The following KIF26B variants were observed in gnomAD, a reference collection of about 807,000 sequenced individuals.
KIF26B encodes the protein kinesin family member 26B.
KIF26B carries 63 observed loss-of-function variants against 151.2 expected under a neutral mutation model. The ratio of observed to expected loss-of-function variants is 0.42; its 90% CI spans 0.34 to 0.51. The LOEUF is 0.51. Ranked by LOEUF, KIF26B falls within the 20% of genes least tolerant of loss-of-function variation. The pLI, the probability that KIF26B is intolerant of heterozygous loss-of-function variation, is 0.07. For synonymous variants in KIF26B, 1,357 were observed against 1,262.1 expected, an observed-to-expected ratio of 1.08 and a Z score of -1.59; for missense variants, 2,813 against 2,913.6, an observed-to-expected ratio of 0.97 and a Z score of 0.79.
chr1:245,540,887 C>T lies in KIF26B; in HGVS notation c.1287C>T (p.Pro429=). The T allele has an allele frequency of 1.2e-6, 2 of 1,614,024 alleles. No individual in the cohort carries two copies. Among genetic ancestry groups the T allele is most frequent in the African/African-American group, 1.3e-5 (1 of 75,046 alleles). ...SFSGILQTSP[P]PAPPCLLRAV... Reference sequence around the variant, plus strand: ...GTGGGATTCTGCAGACCTCCCCTCCCCCAGCCCCACCCTGCCTGCTGAGGG... The same window carrying T: ...GTGGGATTCTGCAGACCTCCCCTCCTCCAGCCCCACCCTGCCTGCTGAGGG... The change falls in exon 5 of 15, where the codon CCC becomes CCT. Residue 429 remains proline (P), a synonymous_variant. Transcript: ENST00000407071. The surrounding 1 kb of genome is among the most constrained non-coding windows in gnomAD (Gnocchi z 4.6).
intron 2 of KIF26B, among the ~76,000 whole-genome samples, chr1:245,264,705 T>TA (rs1436897894): frequency 4.6e-5 from 7 of 151,378 alleles, no homozygotes; most frequent in African/African-American, 1.7e-4. Flanking sequence ...CCGTCCTGGC[T>TA]AACAAGGTGA....
At chr1:245,517,828 C>G (rs1198364761) in intron 4 of KIF26B, among the ~76,000 whole-genome samples, 1 of 149,722 alleles carries the variant, frequency 6.7e-6, no homozygotes, top group South Asian at 2.1e-4. Context: ...GCATGATTCT[C>G]TGTGTATGCA....
At chr1:245,304,384 G>A (rs1671497473) in intron 2 of KIF26B, among the ~76,000 whole-genome samples, 1 of 152,210 alleles carries the variant, frequency 6.6e-6, no homozygotes, top group Non-Finnish European at 1.5e-5. Context: ...ATTGCCTTGC[G>A]ATTGGGGAAT....
chr1:245,579,524 C>T (rs750861502), intron 5 of KIF26B, among the ~76,000 whole-genome samples: 31 of 152,026 alleles, frequency 2.0e-4, no homozygotes, highest in African/African-American at 1.2e-4. Context: ...AAAAAGGAGG[C>T]TTGGCTGGGT....
chr1:245,652,152 G>C (rs1360263907), intron 10 of KIF26B, among the ~76,000 whole-genome samples: 3 of 147,408 alleles, frequency 2.0e-5, no homozygotes, highest in East Asian at 4.0e-4. Context: ...GTGTGAGAGA[G>C]ACATATGCAT....
chr1:245,282,933 C>T lies in KIF26B; in HGVS notation c.466-83901C>T, dbSNP rs183767996. 2.9e-3 allele frequency: 967 copies of T among 328,552 alleles called. 6 individuals are homozygous for T. The highest frequency in any genetic ancestry group is 5.4e-3 in the Middle Eastern group (4 of 746). The allele number at this position is 328,552 out of a possible 1,614,324, so 20.4% of individuals were successfully genotyped here. A position where few individuals can be genotyped will look rare whatever the true frequency, so the allele number is the denominator to read the frequency against. ...CCATTTTGTCATTTTGGGTTCAAAC[C>T]CACCTCTGTAGTAGCCACCACCGAA... is the stretch of plus-strand genomic sequence containing the variant. On this transcript the variant is annotated intron_variant, in intron 2 of 14. Transcript: ENST00000407071.
intron 4 of KIF26B, among the ~76,000 whole-genome samples, chr1:245,475,898 A>G (rs968256040): frequency 5.9e-5 from 9 of 151,908 alleles, no homozygotes; most frequent in African/African-American, 2.2e-4. Context: ...TAACAATTCC[A>G]TTCTTAGGGA....
In KIF26B at chr1:245,589,993, G is replaced by A. The variant is rs189630087; in HGVS notation, c.1351-12584G>A. Among the ~76,000 whole-genome samples the A allele has an allele frequency of 3.9e-5, 6 of 152,318 alleles. No homozygotes were observed. The East Asian group carries it at 5.8e-4, about 15-fold the overall frequency. Reference sequence around the variant, plus strand: ...AAATAGCATCTCTGTGCTGACAGACGAGTCTGCGTCTGCAGACGCAGCATC... The same window carrying A: ...AAATAGCATCTCTGTGCTGACAGACAAGTCTGCGTCTGCAGACGCAGCATC... On this transcript the variant is annotated intron_variant, in intron 5 of 14. Coordinates refer to ENST00000407071, the MANE Select transcript of KIF26B (RefSeq NM_018012.4).
At chr1:245,433,138 T>C (rs1658821409) in intron 4 of KIF26B, among the ~76,000 whole-genome samples, 1 of 152,258 alleles carries the variant, frequency 6.6e-6, no homozygotes, top group East Asian at 1.9e-4. Flanking sequence ...AAAACTTAGA[T>C]CTCTCTTGCT....
chr1:245,633,408 A>G (rs1200623113), intron 9 of KIF26B, among the ~76,000 whole-genome samples: 1 of 151,864 alleles, frequency 6.6e-6, no homozygotes, highest in Admixed American at 6.6e-5. Context: ...AAACTGTTTT[A>G]TGATGGTTTT....
At chr1:245,452,516 C>T (rs538001987) in intron 4 of KIF26B, among the ~76,000 whole-genome samples, 4 of 152,188 alleles carry the variant, frequency 2.6e-5, no homozygotes, top group Admixed American at 2.6e-4. Context: ...AGGAACCGTC[C>T]AACTGTTTTC....
chr1:245,155,513 G>A, intron 1 of KIF26B, 26 bp downstream of exon 1: 1 of 1,590,236 alleles, frequency 6.3e-7, no homozygotes, highest in Non-Finnish European at 8.6e-7. Context: ...ACGACGCGGA[G>A]ACGCGTTACC....
chr1:245,663,288 TC>T lies in KIF26B; in HGVS notation c.2258+17009del, dbSNP rs1553301974. 4.7e-5 allele frequency among the ~76,000 whole-genome samples: 7 copies of T among 148,150 alleles called. No individual in the cohort carries two copies. In the South Asian group the frequency reaches 1.3e-3, roughly 27 times the overall value. ...CAGTATCAGAAACCCATTTTTTTTT[TC>T]TTATAGTTTGTTTGGTTTTCTAGTT... On this transcript the variant is annotated intron_variant, in intron 10 of 14. Transcript: ENST00000407071.
chr1:245,468,098 C>G (rs1002856461), intron 4 of KIF26B, among the ~76,000 whole-genome samples: 2 of 152,120 alleles, frequency 1.3e-5, no homozygotes, highest in African/African-American at 4.8e-5. Flanking sequence ...AACACTAACC[C>G]AGAATTCTTT....
intron 4 of KIF26B, among the ~76,000 whole-genome samples, chr1:245,486,505 G>A (rs953444589): frequency 8.6e-5 from 13 of 151,966 alleles, no homozygotes; most frequent in African/African-American, 9.7e-5. Context: ...TAGTGCTCAC[G>A]GCAATCCAGT....
Position 245,488,900 on chromosome 1 carries a change from T to G in KIF26B, c.1167-51867T>G, listed in dbSNP as rs1360747940. The stretch of plus-strand genomic sequence containing the variant: ...AGGTTTGCAGTTGGTAGATGCAAAA[T>G]ATGCTGATAAGATTAAAGCTCCTCT... On this transcript the variant is annotated intron_variant, in intron 4 of 14. Coordinates refer to ENST00000407071, the MANE Select transcript of KIF26B (RefSeq NM_018012.4). The surrounding 1 kb of genome is among the most constrained non-coding windows in gnomAD (Gnocchi z 4.6). Among the ~76,000 whole-genome samples, 1 of 152,156 alleles carries G rather than the reference T, an allele frequency of 6.6e-6. No individual in the cohort carries two copies. The highest frequency in any genetic ancestry group is 2.4e-5 in the African/African-American group (1 of 41,442).
chr1:245,425,556 A>C (rs1756914), intron 4 of KIF26B, among the ~76,000 whole-genome samples: 18,871 of 152,042 alleles, frequency 0.12, 1,477 homozygotes, highest in African/African-American at 0.22. Context: ...ACAGGCGTCC[A>C]ACACCACACC....
Position 245,703,043 on chromosome 1 carries a change from T to C in KIF26B, c.*437T>C, listed in dbSNP as rs1168556399. 1 of 160,330 alleles carries C rather than the reference T, an allele frequency of 6.2e-6. No homozygotes were observed. 9.9% of individuals were successfully genotyped at this position (160,330 alleles called of 1,614,324 possible). On this transcript the variant is annotated 3_prime_UTR_variant, in exon 15 of 15. Transcript: ENST00000407071. ...GCAAATCTTTATTATTATCCAAACATTTATGTTCATACTTTCTTGTGTACA... is the reference window on the plus strand; with the variant it reads ...GCAAATCTTTATTATTATCCAAACACTTATGTTCATACTTTCTTGTGTACA...
intron 2 of KIF26B, among the ~76,000 whole-genome samples, chr1:245,275,461 G>A: frequency 6.6e-6 from 1 of 152,094 alleles, no homozygotes; most frequent in African/African-American, 2.4e-5. Context: ...TATGGTTTTA[G>A]GTCTTACGTT....
Sources: gnomAD v4.1 joint callset for allele counts (sites outside exome capture counted in the v4.1 genomes callset) on GRCh38, gnomAD v4.1.1 for gene constraint, Gnocchi (gnomAD v3.1) non-coding constraint, MANE v1.5 for transcripts, NCBI Gene and HGNC (gene_info 2026-07-23, HGNC 2026-07-21) for gene names.